Variants in DLG5 observed in about 807,000 individuals in gnomAD.
The protein encoded by DLG5 is discs large MAGUK scaffold protein 5.
A neutral mutation model predicts 189.8 loss-of-function variants in DLG5; 48 were observed. The observed-to-expected ratio is 0.25, with a 90% CI of 0.20 to 0.32. DLG5 has a LOEUF of 0.32. DLG5 is among the 10% of genes least tolerant of loss of function. The pLI is 1.00. For missense variants in DLG5, 2,160 were observed against 2,544.7 expected (o/e 0.85, Z 3.25); for synonymous variants, 1,016 against 1,054.1 (o/e 0.96, Z 0.70).
At chr10:77,887,195 G>C (rs1160258030) in intron 1 of DLG5, among the ~76,000 whole-genome samples, 2 of 152,110 alleles carry the variant, frequency 1.3e-5, no homozygotes, top group East Asian at 1.9e-4. Context: ...GAACCCCAAG[G>C]CTCTCCAAGA....
chr10:77,850,627 A>G (rs1372811898), intron 5 of DLG5, among the ~76,000 whole-genome samples: 1 of 152,164 alleles, frequency 6.6e-6, no homozygotes, highest in East Asian at 1.9e-4. Flanking sequence ...TGGCTGTATC[A>G]TTTATTCCCA....
At chr10:77,806,651 C>CCT in intron 26 of DLG5, 107 bp downstream of exon 26, 1 of 1,412,194 alleles carries the variant, frequency 7.1e-7, no homozygotes, top group African/African-American at 1.4e-5. Flanking sequence ...AAGCAGAATC[C>CCT]CTCCTCCAGC....
intron 1 of DLG5, among the ~76,000 whole-genome samples, chr10:77,890,634 T>C (rs1472115111): frequency 6.6e-6 from 1 of 152,114 alleles, no homozygotes; most frequent in African/African-American, 2.4e-5. Flanking sequence ...CTGACCAACA[T>C]GGAGAAACCC....
At chr10:77,830,995 G>C in intron 9 of DLG5, 122 bp from the exon 10 acceptor site, 1 of 1,212,140 alleles carries the variant, frequency 8.2e-7, no homozygotes, top group African/African-American at 1.5e-5. Flanking sequence ...TTTCCCCCTT[G>C]TTTCCCAATA....
In DLG5 at chr10:77,812,016, C is replaced by G; in HGVS notation, c.4230G>C (p.Ala1410=). The G allele has an allele frequency of 6.2e-7, 1 of 1,611,270 alleles. No individual in the cohort carries two copies. The highest frequency in any genetic ancestry group is 1.1e-5 in the South Asian group (1 of 91,084). The change falls in exon 22 of 32, where the codon GCG becomes GCC. Residue 1410 remains alanine, a synonymous_variant. Coordinates refer to ENST00000372391, the MANE Select transcript of DLG5 (RefSeq NM_004747.4). ...INLRSATEQQ[A]RLIIGQQCDT... ...CACACTGCTGCCCGATGATGAGCCGCGCCTGCTGCTCCGTGGCGCTCCGCA... is the reference window on the plus strand; with the variant it reads ...CACACTGCTGCCCGATGATGAGCCGGGCCTGCTGCTCCGTGGCGCTCCGCA...
At chr10:77,926,793 AG>A (rs1846714166), upstream of DLG5, 1 of 168,768 alleles carries the variant, frequency 5.9e-6, no homozygotes, top group African/African-American at 2.5e-5. The surrounding 1 kb of genome is among the most constrained non-coding windows in gnomAD (Gnocchi z 5.2). Flanking sequence ...GAGAAGGAGG[AG>A]GCGGAGGTGG....
upstream of DLG5, chr10:77,929,473 C>T (rs1846767073): frequency 6.6e-6 from 1 of 152,198 alleles, no homozygotes; most frequent in East Asian, 1.9e-4. Flanking sequence ...TCCTAATTCC[C>T]AGTACCTGTG....
At position 77,816,844 on chromosome 10, in the gene DLG5, T is replaced by C. The variant is rs1271573589; in HGVS notation, c.3875-143A>G. On this transcript the variant is annotated intron_variant, in intron 19 of 31. Coordinates refer to ENST00000372391, the MANE Select transcript of DLG5 (RefSeq NM_004747.4). ...TGGAGCTCAGATGCTAGGCTCTGCATTGCCCCCTACCCCCCACACCACCAG... is the reference window on the plus strand; with the variant it reads ...TGGAGCTCAGATGCTAGGCTCTGCACTGCCCCCTACCCCCCACACCACCAG... 116 of 1,387,420 alleles carry C rather than the reference T, an allele frequency of 8.4e-5. No homozygotes were observed. The South Asian group carries it at 9.0e-4, about 11-fold the overall frequency. 85.9% of individuals were successfully genotyped at this position (1,387,420 alleles called of 1,614,324 possible). A position where few individuals can be genotyped will look rare whatever the true frequency, so the allele number is the denominator to read the frequency against.
intron 30 of DLG5, among the ~76,000 whole-genome samples, chr10:77,794,433 C>T (rs1295050434): frequency 1.3e-5 from 2 of 152,238 alleles, no homozygotes; most frequent in Admixed American, 6.5e-5. Flanking sequence ...CCAACCAGCA[C>T]AGGAGCCGAA....
chr10:77,867,577 C>T (rs1025519167), intron 2 of DLG5, among the ~76,000 whole-genome samples: 3 of 152,164 alleles, frequency 2.0e-5, no homozygotes, highest in African/African-American at 7.2e-5. Context: ...AATAGGATAC[C>T]GTTGGGAGCT....
chr10:77,812,815 G>C (rs1034380636), intron 20 of DLG5, among the ~76,000 whole-genome samples: 3 of 152,248 alleles, frequency 2.0e-5, no homozygotes, highest in African/African-American at 7.2e-5. Flanking sequence ...ATGTTTACTG[G>C]CTACACAGAG....
At chr10:77,880,510 G>A (rs1845245730) in intron 1 of DLG5, among the ~76,000 whole-genome samples, 3 of 152,128 alleles carry the variant, frequency 2.0e-5, no homozygotes, top group Admixed American at 1.3e-4. Context: ...ATGTGGTCAG[G>A]TCTTAAGAGA....
intron 27 of DLG5, among the ~76,000 whole-genome samples, chr10:77,803,702 A>T (rs761532354): frequency 2.6e-5 from 4 of 152,206 alleles, no homozygotes; most frequent in Non-Finnish European, 5.9e-5. Flanking sequence ...AAGAGCTAAA[A>T]GGAAGAATAG....
rs1175117565 is a variant in DLG5, at chr10:77,891,569, A to AACAC, written c.305-22373_305-22372insGTGT. On this transcript the variant is annotated intron_variant, in intron 1 of 31. Coordinates refer to ENST00000372391, the MANE Select transcript of DLG5 (RefSeq NM_004747.4). ...GCTGGTGAGCTCACCTCTGTCCCCC[A>AACAC]ACAGACACACACACACACACACACA... 2.9e-5 allele frequency among the ~76,000 whole-genome samples: 3 copies of AACAC among 102,480 alleles called. No homozygotes were observed. The East Asian group carries it at 8.8e-4, about 30-fold the overall frequency. The allele number at this position is 102,480 out of a possible 152,430, so 67.2% of individuals were successfully genotyped here. A position where few individuals can be genotyped will look rare whatever the true frequency, so the allele number is the denominator to read the frequency against.
intron 26 of DLG5, chr10:77,806,092 T>C (rs1603641141): frequency 4.1e-6 from 2 of 487,396 alleles, no homozygotes; most frequent in East Asian, 6.4e-5. Context: ...GGCGATTTTT[T>C]CTACTACAGC....
At position 77,865,609 on chromosome 10, in the gene DLG5, CT is replaced by C. The variant is rs371891171; in HGVS notation, c.373+3519del. On this transcript the variant is annotated intron_variant, in intron 2 of 31. Transcript: ENST00000372391. ...TTCCAAGATGAGAAATAAAAGGCTA[CT>C]GAGAAATTAGGTCAGGATGAATGGG... Among the ~76,000 whole-genome samples, 56 of 152,318 alleles carry C rather than the reference CT, an allele frequency of 3.7e-4. No homozygotes were observed. In the East Asian group the frequency reaches 8.5e-3, roughly 23 times the overall value.
chr10:77,917,182 A>G (rs1846384440), intron 1 of DLG5, among the ~76,000 whole-genome samples: 1 of 151,916 alleles, frequency 6.6e-6, no homozygotes, highest in South Asian at 2.1e-4. Flanking sequence ...AAAAAATACA[A>G]AAACAAAAAA....
intron 1 of DLG5, among the ~76,000 whole-genome samples, chr10:77,916,942 TA>T (rs1450921671): frequency 6.9e-6 from 1 of 145,032 alleles, no homozygotes; most frequent in Non-Finnish European, 1.5e-5. Flanking sequence ...TTATTCGGCC[TA>T]AAAAAGGAAT....
chr10:77,898,218 G>A (rs1845821443), intron 1 of DLG5, among the ~76,000 whole-genome samples: 2 of 152,172 alleles, frequency 1.3e-5, no homozygotes. Context: ...CCATCAACCT[G>A]GCCTCCCCAA....
Sources: gnomAD v4.1 joint callset for allele counts (sites outside exome capture counted in the v4.1 genomes callset) on GRCh38, gnomAD v4.1.1 for gene constraint, Gnocchi (gnomAD v3.1) non-coding constraint, MANE v1.5 for transcripts, NCBI Gene and HGNC (gene_info 2026-07-23, HGNC 2026-07-21) for gene names.